Variants in GRID2 observed in about 807,000 individuals in gnomAD.
GRID2 encodes the protein glutamate ionotropic receptor delta type subunit 2, also known as glutamate receptor ionotropic, delta-2.
A neutral mutation model predicts 114.8 loss-of-function variants in GRID2; 33 were observed. That is an observed-to-expected ratio of 0.29 (90% confidence interval 0.22 to 0.38). GRID2 has a LOEUF of 0.38. GRID2 is among the 10% of genes least tolerant of loss of function. The probability of loss-of-function intolerance (pLI) is 1.00; values close to 1 mark genes in which losing one functional copy is unlikely to be tolerated. For synonymous variants in GRID2, 505 were observed against 449.9 expected, an observed-to-expected ratio of 1.12 and a Z score of -1.55; for missense variants, 1,184 against 1,257.7, an observed-to-expected ratio of 0.94 and a Z score of 0.89.
At chr4:93,211,292 G>T (rs1743442787) in intron 5 of GRID2, among the ~76,000 whole-genome samples, 1 of 151,858 alleles carries the variant, frequency 6.6e-6, no homozygotes, top group Non-Finnish European at 1.5e-5. Context: ...GAATAGACTA[G>T]CATGTATTTC....
chr4:93,124,564 C>T (rs1467871367), intron 4 of GRID2, among the ~76,000 whole-genome samples: 1 of 152,164 alleles, frequency 6.6e-6, no homozygotes, highest in African/African-American at 2.4e-5. Context: ...GGAGTCCGAA[C>T]CTATTTGCCA....
At chr4:92,721,438 G>A (rs1735805029) in intron 2 of GRID2, among the ~76,000 whole-genome samples, 1 of 151,972 alleles carries the variant, frequency 6.6e-6, no homozygotes, top group African/African-American at 2.4e-5. Flanking sequence ...TAAATTTGTT[G>A]TAATTTATAA....
At chr4:92,892,282 T>C (rs1746846166) in intron 2 of GRID2, among the ~76,000 whole-genome samples, 1 of 152,154 alleles carries the variant, frequency 6.6e-6, no homozygotes, top group African/African-American at 2.4e-5. Flanking sequence ...CTGGCTGGTC[T>C]TGGTTTAAAC....
chr4:92,646,087 A>G (rs1201469011), intron 2 of GRID2, among the ~76,000 whole-genome samples: 2 of 127,230 alleles, frequency 1.6e-5, no homozygotes, highest in South Asian at 2.6e-4. Flanking sequence ...TCGTCGTACC[A>G]CACTCTTGGC....
At chr4:92,909,673 G>T (rs1399247998) in intron 2 of GRID2, among the ~76,000 whole-genome samples, 2 of 151,960 alleles carry the variant, frequency 1.3e-5, no homozygotes, top group African/African-American at 4.8e-5. Flanking sequence ...TCTTATACAG[G>T]AATTCAGAGC....
chr4:92,378,715 C>CTAT (rs2110232616), intron 1 of GRID2, among the ~76,000 whole-genome samples: 1 of 151,878 alleles, frequency 6.6e-6, no homozygotes, highest in East Asian at 1.9e-4. Flanking sequence ...TCAAGTTGAG[C>CTAT]TATTATTCAA....
In GRID2 at chr4:92,684,614, A is replaced by G. The variant is rs190216812; in HGVS notation, c.244+94328A>G. On this transcript the variant is annotated intron_variant, in intron 2 of 15. Transcript: ENST00000282020. ...ATAGTAATTCCAATTATTTGTATTT[A>G]GAGAAAACTTTTTCATGAACAGAGT... Among the ~76,000 whole-genome samples, 75 of 152,180 alleles carry G rather than the reference A, an allele frequency of 4.9e-4. No homozygotes were observed. In the East Asian group the frequency reaches 0.013, roughly 25 times the overall value.
intron 13 of GRID2, among the ~76,000 whole-genome samples, chr4:93,560,642 T>C (rs1382764614): frequency 6.6e-6 from 1 of 152,094 alleles, no homozygotes; most frequent in African/African-American, 2.4e-5. Flanking sequence ...ACCTGGCTAA[T>C]GTTTTTATTT....
chr4:92,333,874 C>T (rs560537937), intron 1 of GRID2, among the ~76,000 whole-genome samples: 1 of 152,276 alleles, frequency 6.6e-6, no homozygotes, highest in East Asian at 1.9e-4. Flanking sequence ...GGACTACATG[C>T]ATGTGCCACC....
chr4:92,795,510 G>A (rs1483687060), intron 2 of GRID2, among the ~76,000 whole-genome samples: 1 of 151,866 alleles, frequency 6.6e-6, no homozygotes, highest in Non-Finnish European at 1.5e-5. Context: ...CCTGAAAATG[G>A]ACTAATGGAG....
At chr4:93,258,987 C>A in intron 8 of GRID2, 3 of 432,502 alleles carry the variant, frequency 6.9e-6, no homozygotes, top group South Asian at 1.7e-5. Context: ...TAGAGTACCA[C>A]TGAGGCAGCG....
chr4:92,532,858 A>T (rs1725419315), intron 1 of GRID2, among the ~76,000 whole-genome samples: 1 of 152,084 alleles, frequency 6.6e-6, no homozygotes, highest in African/African-American at 2.4e-5. Flanking sequence ...AGATTGCTTG[A>T]GCCCAGGAGT....
rs185658024 is a variant in GRID2 at position 93,324,452 on chromosome 4, G to A, written c.1246-71155G>A. ...ATTCAGTTTGCCAGTATTTTATTGA[G>A]GATTTTCAAATCGATGTTCATCAGG... is the stretch of plus-strand genomic sequence containing the variant. On this transcript the variant is annotated intron_variant, in intron 8 of 15. Transcript: ENST00000282020. Among the ~76,000 whole-genome samples, 400 of 152,218 alleles carry A rather than the reference G, an allele frequency of 2.6e-3. 2 individuals carry two copies. Among genetic ancestry groups the A allele is most frequent in the African/African-American group, 8.8e-3 (366 of 41,542 alleles).
At chr4:92,788,730 A>G (rs943986091) in intron 2 of GRID2, among the ~76,000 whole-genome samples, 19 of 151,816 alleles carry the variant, frequency 1.3e-4, no homozygotes, top group African/African-American at 4.1e-4. Flanking sequence ...ATTATTATCT[A>G]TCTTAAGATA....
intron 2 of GRID2, among the ~76,000 whole-genome samples, chr4:92,700,915 A>C (rs1013558114): frequency 3.3e-5 from 5 of 149,916 alleles, no homozygotes; most frequent in Non-Finnish European, 7.4e-5. Flanking sequence ...AATGGCGTGA[A>C]CCCGGGAGGT....
chr4:92,814,896 C>G (rs188104479), intron 2 of GRID2, among the ~76,000 whole-genome samples: 25 of 152,168 alleles, frequency 1.6e-4, no homozygotes, highest in Admixed American at 1.4e-3. Context: ...AAAGAGAAAC[C>G]TTTCTCCCTC....
intron 8 of GRID2, among the ~76,000 whole-genome samples, chr4:93,337,241 G>C (rs1759183770): frequency 6.6e-6 from 1 of 152,066 alleles, no homozygotes; most frequent in Non-Finnish European, 1.5e-5. Context: ...CATTTTGAAA[G>C]GTTGAATTTT....
chr4:93,392,312 T>A (rs915550424), intron 8 of GRID2, among the ~76,000 whole-genome samples: 1 of 152,088 alleles, frequency 6.6e-6, no homozygotes, highest in Non-Finnish European at 1.5e-5. Flanking sequence ...AGAAGTCAAA[T>A]TAATGAGAAT....
intron 2 of GRID2, among the ~76,000 whole-genome samples, chr4:92,703,045 G>A (rs1734759294): frequency 6.6e-6 from 1 of 152,102 alleles, no homozygotes; most frequent in Non-Finnish European, 1.5e-5. Context: ...TGCCATGGCT[G>A]TGCATTCACC....
Sources: allele counts gnomAD v4.1 joint callset (sites outside exome capture counted in the v4.1 genomes callset), GRCh38; gene constraint gnomAD v4.1.1; transcripts MANE v1.5; gene names NCBI Gene and HGNC (gene_info 2026-07-23, HGNC 2026-07-21).